The following SLIT3 variants were observed in gnomAD, a reference collection of about 807,000 sequenced individuals.
SLIT3 encodes the protein slit homolog 3 protein.
Under a neutral mutation model 184.0 loss-of-function variants are expected in SLIT3, and 68 were observed. The ratio of observed to expected loss-of-function variants is 0.37; its 90% CI spans 0.30 to 0.45. The LOEUF (loss-of-function observed/expected upper bound fraction) is 0.45. Ranked by LOEUF, SLIT3 falls within the 20% of genes least tolerant of loss-of-function variation. SLIT3 has a pLI of 1.00. For missense variants in SLIT3, 1,707 were observed against 2,026.0 expected (o/e 0.84, Z 3.02); for synonymous variants, 831 against 828.6 (o/e 1.00, Z -0.05).
At chr5:168,931,246 C>T (rs1049067444) in intron 4 of SLIT3, among the ~76,000 whole-genome samples, 1 of 152,212 alleles carries the variant, frequency 6.6e-6, no homozygotes. Flanking sequence ...TCCCCTTTAT[C>T]TTATATTATG....
intron 4 of SLIT3, among the ~76,000 whole-genome samples, chr5:169,063,326 G>A (rs61211600): frequency 0.089 from 13,586 of 152,216 alleles, 933 homozygotes; most frequent in African/African-American, 0.18. Flanking sequence ...GAGACCCAGC[G>A]CTGGAAGGAG....
chr5:168,743,271 A>G (rs909729780), intron 20 of SLIT3, among the ~76,000 whole-genome samples: 1 of 148,388 alleles, frequency 6.7e-6, no homozygotes, highest in Non-Finnish European at 1.5e-5. Flanking sequence ...GTTTATGGCA[A>G]CCCCGCCACA....
At chr5:168,923,752 G>A (rs540517058) in intron 4 of SLIT3, among the ~76,000 whole-genome samples, 4 of 152,060 alleles carry the variant, frequency 2.6e-5, no homozygotes, top group African/African-American at 4.8e-5. Flanking sequence ...TCCTGACCTC[G>A]TGATCCACCC....
Position 168,872,643 on chromosome 5 carries a change from T to C in SLIT3, c.485+10622A>G, listed in dbSNP as rs1279286963. 7.9e-4 allele frequency among the ~76,000 whole-genome samples: 115 copies of C among 145,798 alleles called. 2 individuals are homozygous for C. In the East Asian group the frequency reaches 9.9e-3, roughly 13 times the overall value. On this transcript the variant is annotated intron_variant, in intron 5 of 35. Transcript: ENST00000519560. Reference sequence around the variant, plus strand: ...TTCTTTTCTTCTTCTTCTTCTTCTTTTTTTTTTTTTTTTGAGACAGAGTCT... The same window carrying C: ...TTCTTTTCTTCTTCTTCTTCTTCTTCTTTTTTTTTTTTTGAGACAGAGTCT...
chr5:168,716,166 A>G (rs1470345632), intron 23 of SLIT3, among the ~76,000 whole-genome samples: 2 of 151,196 alleles, frequency 1.3e-5, no homozygotes, highest in Non-Finnish European at 2.9e-5. Flanking sequence ...TAGTAGAGAC[A>G]GTGTTTCACC....
intron 4 of SLIT3, among the ~76,000 whole-genome samples, chr5:168,963,100 C>T (rs1160782970): frequency 6.6e-6 from 1 of 152,186 alleles, no homozygotes; most frequent in Non-Finnish European, 1.5e-5. Context: ...GAACTATGGC[C>T]TACGGGGCCA....
At chr5:168,832,578 C>T (rs1581127187) in intron 6 of SLIT3, among the ~76,000 whole-genome samples, 2 of 152,200 alleles carry the variant, frequency 1.3e-5, no homozygotes, top group African/African-American at 2.4e-5. Flanking sequence ...TCCAGGAGTA[C>T]AAACACAATT....
intron 32 of SLIT3, among the ~76,000 whole-genome samples, chr5:168,683,588 T>C (rs1306142236): frequency 4.6e-5 from 7 of 152,136 alleles, no homozygotes; most frequent in African/African-American, 1.4e-4. Context: ...TTGAGTTGCA[T>C]GCTAATTGTG....
intron 4 of SLIT3, among the ~76,000 whole-genome samples, chr5:168,957,153 T>C (rs6555840): frequency 0.5 from 75,193 of 149,310 alleles, 21,369 homozygotes; most frequent in African/African-American, 0.79. Flanking sequence ...CGCTGGAACC[T>C]GGGAGGCAGA....
intron 4 of SLIT3, among the ~76,000 whole-genome samples, chr5:169,059,902 T>C (rs536423110): frequency 6.6e-6 from 1 of 152,312 alleles, no homozygotes; most frequent in South Asian, 2.1e-4. Flanking sequence ...CTTTGGGAGA[T>C]GATTAGGTCA....
chr5:168,940,516 A>T (rs1288229481), intron 4 of SLIT3, among the ~76,000 whole-genome samples: 2 of 151,944 alleles, frequency 1.3e-5, no homozygotes, highest in African/African-American at 4.8e-5. Flanking sequence ...CTTTTTTTTT[A>T]AGTAAAAAAC....
chr5:168,924,632 C>T (rs984475520), intron 4 of SLIT3, among the ~76,000 whole-genome samples: 8 of 152,060 alleles, frequency 5.3e-5, no homozygotes, highest in African/African-American at 1.9e-4. Flanking sequence ...ACCTCAAAAT[C>T]CCAAGTAGCT....
chr5:169,103,138 A>C (rs943843221), intron 4 of SLIT3, among the ~76,000 whole-genome samples: 11 of 152,186 alleles, frequency 7.2e-5, no homozygotes, highest in African/African-American at 2.7e-4. Flanking sequence ...AGGCACTCTT[A>C]ATTATTCTTC....
At chr5:169,015,225 TC>T (rs1756319409) in intron 4 of SLIT3, among the ~76,000 whole-genome samples, 1 of 152,128 alleles carries the variant, frequency 6.6e-6, no homozygotes, top group African/African-American at 2.4e-5. Context: ...ATCATAATCA[TC>T]CCTCCCTCAC....
In SLIT3 at chr5:169,300,913, C is replaced by T; in HGVS notation, c.-204G>A. On this transcript the variant is annotated 5_prime_UTR_variant, in exon 1 of 36. An upstream start codon of the reference 5' UTR is lost. Coordinates refer to ENST00000519560, the MANE Select transcript of SLIT3 (RefSeq NM_003062.4). This position sits in a 1 kb window ranked among gnomAD's most constrained non-coding sequence, Gnocchi z 4.1. ...GCGGCGGCGGCAGCAACAGCAGCTC[C>T]ATCGGCGGGGCCGGCGCTGCCCCGC... 1 of 276,444 alleles carries T rather than the reference C, an allele frequency of 3.6e-6. No homozygotes were observed. The highest frequency in any genetic ancestry group is 6.5e-6 in the Non-Finnish European group (1 of 154,276). The allele number at this position is 276,444 out of a possible 1,614,324, so 17.1% of individuals were successfully genotyped here. A position where few individuals can be genotyped will look rare whatever the true frequency, so the allele number is the denominator to read the frequency against.
chr5:168,831,972 C>T (rs1757897236), intron 6 of SLIT3, among the ~76,000 whole-genome samples: 1 of 152,250 alleles, frequency 6.6e-6, no homozygotes, highest in Non-Finnish European at 1.5e-5. Flanking sequence ...CCTGTCACTA[C>T]TCAATCAGAT....
At chr5:169,035,520 G>A (rs1757207640) in intron 4 of SLIT3, among the ~76,000 whole-genome samples, 1 of 151,864 alleles carries the variant, frequency 6.6e-6, no homozygotes, top group Non-Finnish European at 1.5e-5. Context: ...GTGGTGGCGG[G>A]CACCTGTAGT....
At chr5:169,090,230 G>T (rs1391704892) in intron 4 of SLIT3, among the ~76,000 whole-genome samples, 1 of 152,118 alleles carries the variant, frequency 6.6e-6, no homozygotes, top group African/African-American at 2.4e-5. Context: ...AAAGAAGAGG[G>T]TGAAGGGGAG....
intron 10 of SLIT3, among the ~76,000 whole-genome samples, chr5:168,795,297 G>C (rs1408498288): frequency 3.9e-5 from 6 of 152,096 alleles, no homozygotes; most frequent in Non-Finnish European, 7.4e-5. Context: ...GGCTCTTAGC[G>C]CTACATGTCC....
Sources: gnomAD v4.1 joint callset for allele counts (sites outside exome capture counted in the v4.1 genomes callset) on GRCh38, gnomAD v4.1.1 for gene constraint, Gnocchi (gnomAD v3.1) non-coding constraint, MANE v1.5 for transcripts, NCBI Gene and HGNC (gene_info 2026-07-23, HGNC 2026-07-21) for gene names.